The following SNTG1 variants were observed in gnomAD, a reference collection of about 807,000 sequenced individuals.
SNTG1 encodes syntrophin gamma 1, also known as gamma-1-syntrophin.
A neutral mutation model predicts 74.7 loss-of-function variants in SNTG1; 39 were observed. That is an observed-to-expected ratio of 0.52 (90% CI 0.40 to 0.68). SNTG1 has a LOEUF of 0.68. Among genes scored for constraint, SNTG1 ranks in the 30% least tolerant of loss-of-function variants. The probability of loss-of-function intolerance (pLI) is 0.00; values close to 1 mark genes in which losing one functional copy is unlikely to be tolerated. For synonymous variants in SNTG1, 254 were observed against 217.1 expected, an observed-to-expected ratio of 1.17 and a Z score of -1.49; for missense variants, 685 against 609.5, an observed-to-expected ratio of 1.12 and a Z score of -1.30.
At chr8:50,071,157 A>G (rs1034597809) in intron 1 of SNTG1, among the ~76,000 whole-genome samples, 6 of 152,188 alleles carry the variant, frequency 3.9e-5, no homozygotes, top group Admixed American at 6.5e-5. Flanking sequence ...GAAGAATACA[A>G]AAGAATCTGT....
rs373755693 is a variant in SNTG1 at position 50,224,549 on chromosome 8, A to C, written c.-28+51914A>C. The stretch of plus-strand genomic sequence containing the variant: ...TATTCTCCTCTATCCGTAAAACAAG[A>C]TATGTTTTTCCTGAATGCAGTTGTA... On this transcript the variant is annotated intron_variant, in intron 2 of 18. Transcript: ENST00000642720. 1.7e-4 allele frequency among the ~76,000 whole-genome samples: 26 copies of C among 152,310 alleles called. 1 individual carries two copies. The highest frequency in any genetic ancestry group is 6.3e-4 in the African/African-American group (26 of 41,570).
chr8:50,237,264 A>G (rs1396740137), intron 2 of SNTG1, among the ~76,000 whole-genome samples: 1 of 151,972 alleles, frequency 6.6e-6, no homozygotes, highest in African/African-American at 2.4e-5. Context: ...TCTACTCTCT[A>G]CTGTCTATAT....
At chr8:50,782,878 T>C (rs2095663923) in intron 18 of SNTG1, among the ~76,000 whole-genome samples, 1 of 152,146 alleles carries the variant, frequency 6.6e-6, no homozygotes, top group African/African-American at 2.4e-5. Context: ...AAGATGGGTT[T>C]TTGGGGTGGA....
chr8:50,689,397 C>T (rs2095367482), intron 15 of SNTG1, among the ~76,000 whole-genome samples: 1 of 152,082 alleles, frequency 6.6e-6, no homozygotes, highest in Non-Finnish European at 1.5e-5. Flanking sequence ...TCATAGATAG[C>T]TCTTATTTTT....
In SNTG1 at chr8:50,755,454, T is replaced by C. The variant is rs141239956; in HGVS notation, c.1395+3343T>C. Among the ~76,000 whole-genome samples, 473 of 152,060 alleles carry C rather than the reference T, an allele frequency of 3.1e-3. 3 individuals are homozygous for C. The highest frequency in any genetic ancestry group is 3.1e-3 in the Non-Finnish European group (212 of 67,932). Reference sequence around the variant, plus strand: ...TTAATAACTCATTTCTTTTTAGTACTGAATAATATCCAATTTTCTGAATGT... The same window carrying C: ...TTAATAACTCATTTCTTTTTAGTACCGAATAATATCCAATTTTCTGAATGT... On this transcript the variant is annotated intron_variant, in intron 18 of 18. Transcript: ENST00000642720.
intron 13 of SNTG1, among the ~76,000 whole-genome samples, chr8:50,646,234 TATAAC>T (rs1395258793): frequency 1.3e-5 from 2 of 152,192 alleles, no homozygotes; most frequent in African/African-American, 4.8e-5. Context: ...CTGTTGGAAT[TATAAC>T]ATAATTAGAT....
intron 11 of SNTG1, among the ~76,000 whole-genome samples, chr8:50,552,187 G>A (rs1231882244): frequency 1.3e-5 from 2 of 152,168 alleles, no homozygotes; most frequent in African/African-American, 4.8e-5. Context: ...TCTTAAGCCT[G>A]AGACTTTGGC....
chr8:50,132,649 A>C (rs2081353437), intron 1 of SNTG1, among the ~76,000 whole-genome samples: 2 of 151,826 alleles, frequency 1.3e-5, no homozygotes, highest in Non-Finnish European at 2.9e-5. Flanking sequence ...AAAAGTCCTC[A>C]CTCTCTTGGC....
chr8:50,055,880 T>C (rs1046325220), intron 1 of SNTG1, among the ~76,000 whole-genome samples: 8 of 152,170 alleles, frequency 5.3e-5, no homozygotes, highest in Non-Finnish European at 1.2e-4. Context: ...ATAGACTTAA[T>C]AGGCCCTGTT....
At chr8:50,525,171 T>G (rs982272675) in intron 9 of SNTG1, among the ~76,000 whole-genome samples, 1 of 152,156 alleles carries the variant, frequency 6.6e-6, no homozygotes, top group African/African-American at 2.4e-5. Context: ...GCTGATTTTA[T>G]TTTTCTTTCA....
Position 50,761,141 on chromosome 8 carries a change from G to A in SNTG1, c.1395+9030G>A, listed in dbSNP as rs200657666. Among the ~76,000 whole-genome samples the A allele has an allele frequency of 1.8e-4, 28 of 152,034 alleles. No homozygotes were observed. In the East Asian group the frequency reaches 4.1e-3, roughly 22 times the overall value. ...ATCCTCAGTAAGATACCGGCAAACC[G>A]AATCCAGCAGCCCATCAAAAAGCTT... is the stretch of plus-strand genomic sequence containing the variant. On this transcript the variant is annotated intron_variant, in intron 18 of 18. Transcript: ENST00000642720.
chr8:50,699,173 C>T (rs2131496185), intron 15 of SNTG1, among the ~76,000 whole-genome samples: 1 of 150,702 alleles, frequency 6.6e-6, no homozygotes, highest in East Asian at 2.0e-4. Flanking sequence ...GTTCTGGGAA[C>T]TTCAATATTT....
At chr8:50,737,192 G>T (rs1220795713) in intron 17 of SNTG1, among the ~76,000 whole-genome samples, 1 of 151,542 alleles carries the variant, frequency 6.6e-6, no homozygotes, top group Non-Finnish European at 1.5e-5. Flanking sequence ...AGAGAAAAGA[G>T]TGAAATAGAA....
intron 18 of SNTG1, among the ~76,000 whole-genome samples, chr8:50,785,310 G>A (rs113697539): frequency 0.034 from 5,207 of 151,720 alleles, 140 homozygotes; most frequent in South Asian, 0.14. Flanking sequence ...ACCAAACAGC[G>A]AGAGAGAGAA....
Position 50,122,392 on chromosome 8 carries a change from G to A in SNTG1, c.-102-50169G>A, listed in dbSNP as rs936739931. Among the ~76,000 whole-genome samples, 24 of 141,120 alleles carry A rather than the reference G, an allele frequency of 1.7e-4. 5 individuals carry two copies. The highest frequency in any genetic ancestry group is 6.2e-4 in the African/African-American group (24 of 38,956). The allele number at this position is 141,120 out of a possible 152,430, so 92.6% of individuals were successfully genotyped here. ...TGAGGGAGTGAGGTCCCTTTCAGGAGTTACAGTAGATTTGCGAGGCCTGGA... is the reference window on the plus strand; with the variant it reads ...TGAGGGAGTGAGGTCCCTTTCAGGAATTACAGTAGATTTGCGAGGCCTGGA... On this transcript the variant is annotated intron_variant, in intron 1 of 18. Transcript: ENST00000642720.
At chr8:50,283,408 A>G (rs2088585022) in intron 2 of SNTG1, among the ~76,000 whole-genome samples, 1 of 152,200 alleles carries the variant, frequency 6.6e-6, no homozygotes, top group Admixed American at 6.5e-5. Context: ...ATCAGAGAAA[A>G]ATGATTGTCT....
At chr8:50,687,595 A>T (rs1485578661) in intron 15 of SNTG1, among the ~76,000 whole-genome samples, 2 of 152,222 alleles carry the variant, frequency 1.3e-5, no homozygotes, top group African/African-American at 4.8e-5. Flanking sequence ...TTATAATTTA[A>T]GTTTTAGGGT....
intron 2 of SNTG1, among the ~76,000 whole-genome samples, chr8:50,287,612 C>T (rs1455006277): frequency 1.3e-5 from 2 of 152,136 alleles, no homozygotes; most frequent in East Asian, 3.9e-4. Flanking sequence ...CTCCTTTCTG[C>T]TTCAGTCATA....
chr8:50,676,555 C>A (rs2095310465), intron 15 of SNTG1, among the ~76,000 whole-genome samples: 1 of 151,860 alleles, frequency 6.6e-6, no homozygotes, highest in South Asian at 2.1e-4. Flanking sequence ...TTTTTAGCTT[C>A]TTTGCATTGT....
Sources: gnomAD v4.1 joint callset for allele counts (sites outside exome capture counted in the v4.1 genomes callset) on GRCh38, gnomAD v4.1.1 for gene constraint, MANE v1.5 for transcripts, NCBI Gene and HGNC (gene_info 2026-07-23, HGNC 2026-07-21) for gene names.